COBL: variants seen among roughly 807,000 people sequenced by gnomAD.
COBL encodes the protein protein cordon-bleu.
Under a neutral mutation model 98.8 loss-of-function variants are expected in COBL, and 51 were observed. That is an observed-to-expected ratio of 0.52 (90% CI 0.41 to 0.65). COBL has a LOEUF of 0.65. COBL is among the 30% of genes least tolerant of loss of function. The pLI is 0.00. For missense variants in COBL, 1,617 were observed against 1,617.5 expected, an observed-to-expected ratio of 1.00 and a Z score of 0.01; for synonymous variants, 634 against 651.7, an observed-to-expected ratio of 0.97 and a Z score of 0.41.
At chr7:51,293,896 G>A (rs906475698) in intron 1 of COBL, among the ~76,000 whole-genome samples, 14 of 152,108 alleles carry the variant, frequency 9.2e-5, no homozygotes, top group Non-Finnish European at 1.6e-4. Context: ...CTCCCAGGTC[G>A]TCCCATGCTC....
intron 2 of COBL, among the ~76,000 whole-genome samples, chr7:51,218,355 T>G (rs1447657418): frequency 6.6e-6 from 1 of 152,250 alleles, no homozygotes; most frequent in African/African-American, 2.4e-5. Context: ...TAAAATAAAA[T>G]GCTTACATCA....
At chr7:51,035,986 GGGATTGGTTCCA>G (rs1226905185) in intron 8 of COBL, 1 of 152,126 alleles carries the variant, frequency 6.6e-6, no homozygotes, top group Non-Finnish European at 1.5e-5. Flanking sequence ...TGAGGAAAGG[GGGATTGGTTCCA>G]GGATCCCCCA....
chr7:51,203,061 A>C (rs889726432), intron 2 of COBL, among the ~76,000 whole-genome samples: 2 of 151,336 alleles, frequency 1.3e-5, no homozygotes, highest in East Asian at 3.9e-4. Context: ...AATAATGAGG[A>C]GGAGGAGGAG....
intron 8 of COBL, among the ~76,000 whole-genome samples, chr7:51,043,104 T>C (rs921356393): frequency 1.2e-4 from 19 of 152,228 alleles, no homozygotes; most frequent in African/African-American, 4.6e-4. Context: ...ACAGATATCA[T>C]CATGGATAAA....
chr7:51,024,648 TACGAGTGA>T (rs1246991382), intron 12 of COBL, among the ~76,000 whole-genome samples: 60 of 138,966 alleles, frequency 4.3e-4, no homozygotes, highest in African/African-American at 1.6e-3. Flanking sequence ...TGCAAGCATG[TACGAGTGA>T]ATGAATGAAT....
At chr7:51,021,191 A>C (rs762180258) in intron 12 of COBL, 1 of 152,260 alleles carries the variant, frequency 6.6e-6, no homozygotes, top group Non-Finnish European at 1.5e-5. Flanking sequence ...ACCCAAAAGA[A>C]GACCCAGGAA....
intron 8 of COBL, among the ~76,000 whole-genome samples, chr7:51,037,997 G>T (rs559509506): frequency 6.6e-6 from 1 of 152,020 alleles, no homozygotes; most frequent in African/African-American, 2.4e-5. Flanking sequence ...GATTACAGGC[G>T]CCCAACAGCA....
intron 1 of COBL, among the ~76,000 whole-genome samples, chr7:51,305,705 C>T (rs112680033): frequency 2.6e-5 from 4 of 152,208 alleles, no homozygotes; most frequent in African/African-American, 9.6e-5. Flanking sequence ...ACTAAAAAGC[C>T]CCTAAACCAG....
At chr7:51,155,194 A>C (rs1450850578) in intron 5 of COBL, among the ~76,000 whole-genome samples, 1 of 152,202 alleles carries the variant, frequency 6.6e-6, no homozygotes, top group African/African-American at 2.4e-5. Context: ...CAAACCAATT[A>C]CCAATATATG....
At chr7:51,142,236 T>C (rs1799827909) in intron 5 of COBL, among the ~76,000 whole-genome samples, 1 of 151,982 alleles carries the variant, frequency 6.6e-6, no homozygotes, top group South Asian at 2.1e-4. Flanking sequence ...TTTAAGTATT[T>C]AGAAGAAGAA....
At chr7:51,259,619 G>C in intron 1 of COBL, 1 of 736,096 alleles carries the variant, frequency 1.4e-6, no homozygotes, top group Non-Finnish European at 2.4e-6. Flanking sequence ...GGTCTTCCAA[G>C]CAAATGACAC....
At chr7:51,156,541 C>A in intron 5 of COBL, 1 of 985,110 alleles carries the variant, frequency 1.0e-6, no homozygotes, top group Non-Finnish European at 1.2e-6. Flanking sequence ...CAGAATATAT[C>A]ATCTCGGATG....
chr7:51,307,306 G>A (rs1019502599), intron 1 of COBL, among the ~76,000 whole-genome samples: 4 of 152,052 alleles, frequency 2.6e-5, no homozygotes, highest in Admixed American at 1.3e-4. Context: ...CTGAGATCAC[G>A]CCTCTGCACT....
At chr7:51,198,611 T>A (rs1016900307) in intron 2 of COBL, among the ~76,000 whole-genome samples, 14 of 152,228 alleles carry the variant, frequency 9.2e-5, no homozygotes, top group East Asian at 1.9e-4. Context: ...TCCCAAGAAG[T>A]TGGGCACAGG....
chr7:51,117,661 T>A (rs1452328891), intron 6 of COBL, among the ~76,000 whole-genome samples: 2 of 152,240 alleles, frequency 1.3e-5, no homozygotes, highest in African/African-American at 4.8e-5. Flanking sequence ...AAAATTCTTA[T>A]CTGCTAATTC....
chr7:51,249,089 A>C (rs1796510392), intron 1 of COBL, among the ~76,000 whole-genome samples: 1 of 152,212 alleles, frequency 6.6e-6, no homozygotes, highest in East Asian at 1.9e-4. Flanking sequence ...ATATGTTTAA[A>C]TGATGGAACT....
intron 7 of COBL, among the ~76,000 whole-genome samples, chr7:51,048,502 C>T (rs1789933778): frequency 6.6e-6 from 1 of 152,124 alleles, no homozygotes; most frequent in South Asian, 2.1e-4. Flanking sequence ...CAGGCCCCTC[C>T]ACGTAAAAAT....
chr7:51,154,632 G>A (rs998486887), intron 5 of COBL, among the ~76,000 whole-genome samples: 6 of 152,186 alleles, frequency 3.9e-5, no homozygotes. Flanking sequence ...TGGGCCATGG[G>A]TATCATTAGG....
chr7:51,235,169 G>A (rs1795132751), intron 1 of COBL, among the ~76,000 whole-genome samples: 1 of 152,150 alleles, frequency 6.6e-6, no homozygotes, highest in Non-Finnish European at 1.5e-5. Context: ...AGCCCAACCT[G>A]TTGACAGCCC....
Sources: gnomAD v4.1 joint callset for allele counts (sites outside exome capture counted in the v4.1 genomes callset) on GRCh38, gnomAD v4.1.1 for gene constraint, MANE v1.5 for transcripts, NCBI Gene and HGNC (gene_info 2026-07-23, HGNC 2026-07-21) for gene names.